KIF1A: variants seen among roughly 807,000 people sequenced by gnomAD.
KIF1A encodes kinesin family member 1A.
KIF1A carries 46 observed loss-of-function variants against 227.3 expected under a neutral mutation model. The ratio of observed to expected loss-of-function variants is 0.20; its 90% CI spans 0.16 to 0.26. KIF1A has a LOEUF of 0.26. Among genes scored for constraint, KIF1A ranks in the 10% least tolerant of loss-of-function variants. KIF1A has a pLI of 1.00. For missense variants in KIF1A, 1,683 were observed against 2,485.9 expected (o/e 0.68, Z 6.87); for synonymous variants, 1,022 against 1,012.8 (o/e 1.01, Z -0.17).
intron 1 of KIF1A, among the ~76,000 whole-genome samples, chr2:240,815,688 T>G (rs1575682589): frequency 6.7e-6 from 1 of 150,010 alleles, no homozygotes; most frequent in African/African-American, 2.5e-5. Flanking sequence ...CCCGTGGGGG[T>G]GGGAGAAGTG....
intron 1 of KIF1A, among the ~76,000 whole-genome samples, chr2:240,807,795 C>T (rs923622350): frequency 3.9e-5 from 6 of 152,108 alleles, no homozygotes; most frequent in Admixed American, 2.0e-4. Flanking sequence ...CAAGAAAATA[C>T]AGTAACAAAT....
intron 38 of KIF1A, among the ~76,000 whole-genome samples, chr2:240,734,167 G>C (rs928359602): frequency 6.6e-5 from 10 of 152,252 alleles, no homozygotes; most frequent in Admixed American, 3.3e-4. Context: ...CCAGGTGAGG[G>C]ACTCACGAGA....
chr2:240,738,548 C>T (rs915912169), intron 37 of KIF1A, among the ~76,000 whole-genome samples: 1 of 152,180 alleles, frequency 6.6e-6, no homozygotes, highest in African/African-American at 2.4e-5. Flanking sequence ...CAGAAAGTGA[C>T]TTGGCTGCTC....
intron 5 of KIF1A, among the ~76,000 whole-genome samples, chr2:240,786,756 G>GGGGT (rs1559529947): frequency 1.6e-5 from 1 of 63,646 alleles, no homozygotes; most frequent in African/African-American, 5.9e-5. Context: ...CCCTGAGTGA[G>GGGGT]AGGGTAGGGG....
chr2:240,773,752 C>T lies in KIF1A; in HGVS notation c.1037+431G>A, dbSNP rs182724273. Among the ~76,000 whole-genome samples the T allele has an allele frequency of 9.2e-5, 14 of 152,270 alleles. No individual in the cohort carries two copies. The East Asian group carries it at 2.7e-3, about 29-fold the overall frequency. On this transcript the variant is annotated intron_variant, in intron 12 of 48. Coordinates refer to ENST00000498729, the MANE Select transcript of KIF1A (RefSeq NM_001244008.2). Reference sequence around the variant, plus strand: ...TGCACAGTCGAAAGAAGGGAGAGACCACTGACCCAAACAACCGAGCAGCCT... The same window carrying T: ...TGCACAGTCGAAAGAAGGGAGAGACTACTGACCCAAACAACCGAGCAGCCT...
chr2:240,739,824 G>A lies in KIF1A; in HGVS notation c.3901+234C>T, dbSNP rs1399262495. Among the ~76,000 whole-genome samples the A allele has an allele frequency of 1.3e-5, 2 of 152,162 alleles. No individual in the cohort carries two copies. The highest frequency in any genetic ancestry group is 4.8e-5 in the African/African-American group (2 of 41,430). Reference sequence around the variant, plus strand: ...ACCTGGTTTGTGGTATTTTGTCATGGCAGCCCCAGAACTCCAATACACTGA... The same window carrying A: ...ACCTGGTTTGTGGTATTTTGTCATGACAGCCCCAGAACTCCAATACACTGA... On this transcript the variant is annotated intron_variant, in intron 37 of 48. Coordinates refer to ENST00000498729, the MANE Select transcript of KIF1A (RefSeq NM_001244008.2). This position sits in a 1 kb window ranked among gnomAD's most constrained non-coding sequence, Gnocchi z 5.6.
chr2:240,723,506 C>T lies in KIF1A; in HGVS notation c.4371G>A (p.Arg1457=). The T allele has an allele frequency of 6.4e-7, 1 of 1,552,138 alleles. No individual in the cohort carries two copies. Among genetic ancestry groups the T allele is most frequent in the Non-Finnish European group, 8.7e-7 (1 of 1,148,438 alleles). The stretch of plus-strand genomic sequence containing the variant: ...TCCAGCCTGCCAGGTTCTCCTCGCC[C>T]CGGACATAGGCCACAGATGTGTCCA... ...RVLDTSVAYV[R]GEENLAGWRP... Residue 1457 remains arginine (R), a synonymous_variant, in exon 42 of 49, where the codon CGG becomes CGA. Coordinates refer to ENST00000498729, the MANE Select transcript of KIF1A (RefSeq NM_001244008.2).
At chr2:240,745,298 G>T in intron 32 of KIF1A, 129 bp downstream of exon 32, 1 of 764,980 alleles carries the variant, frequency 1.3e-6, no homozygotes, top group Non-Finnish European at 2.3e-6. Flanking sequence ...CCTGGCACTG[G>T]AGTTCCCGGT....
intron 18 of KIF1A, 67 bp from the exon 19 acceptor site, chr2:240,767,088 C>A: frequency 7.7e-7 from 1 of 1,298,586 alleles, no homozygotes. Flanking sequence ...CACCCACTGG[C>A]CTCCAGGGAC....
rs758219531 is a variant in KIF1A at position 240,737,030 on chromosome 2, C to T, written c.4007+33G>A. On this transcript the variant is annotated intron_variant, in intron 38 of 48. Coordinates refer to ENST00000498729, the MANE Select transcript of KIF1A (RefSeq NM_001244008.2). ...GGGCCTGGCAGGCTGGGAACATGCC[C>T]TGGGCCCTGTCTCCAGGGAGTCTCC... 6 of 1,556,518 alleles carry T rather than the reference C, an allele frequency of 3.9e-6. No homozygotes were observed. The African/African-American group carries it at 6.8e-5, about 18-fold the overall frequency.
chr2:240,738,607 G>T (rs1448062292), intron 37 of KIF1A, among the ~76,000 whole-genome samples: 1 of 152,180 alleles, frequency 6.6e-6, no homozygotes, highest in African/African-American at 2.4e-5. Flanking sequence ...AGCCCAGAGA[G>T]GCTGAGCCCA....
At chr2:240,756,988 G>A (rs562065477) in intron 27 of KIF1A, among the ~76,000 whole-genome samples, 6 of 152,230 alleles carry the variant, frequency 3.9e-5, no homozygotes, top group Non-Finnish European at 7.3e-5. Flanking sequence ...GAGCCACTCC[G>A]GGGTTCCTAC....
chr2:240,783,456 C>A (rs1239700365), intron 8 of KIF1A, among the ~76,000 whole-genome samples: 4 of 152,224 alleles, frequency 2.6e-5, no homozygotes. Flanking sequence ...CGGGTGGTGC[C>A]CCAATCTCCC....
intron 1 of KIF1A, among the ~76,000 whole-genome samples, chr2:240,812,244 T>C (rs1001951878): frequency 6.6e-6 from 1 of 151,856 alleles, no homozygotes. Context: ...AAAAGCCAAG[T>C]CCCTGTGGAA....
At chr2:240,809,269 T>G (rs1421808807) in intron 1 of KIF1A, among the ~76,000 whole-genome samples, 3 of 151,990 alleles carry the variant, frequency 2.0e-5, no homozygotes, top group Non-Finnish European at 1.5e-5. Flanking sequence ...GTTAAGAACA[T>G]CAATAACAAG....
chr2:240,782,678 C>T (rs1381073990), intron 9 of KIF1A, 71 bp from the exon 10 acceptor site: 57 of 1,500,084 alleles, frequency 3.8e-5, no homozygotes, highest in Non-Finnish European at 4.6e-5. Flanking sequence ...GGCGGAAGAG[C>T]AGGCGGCCCG....
chr2:240,739,626 G>A lies in KIF1A; in HGVS notation c.3901+432C>T, dbSNP rs766340598. Among the ~76,000 whole-genome samples the A allele has an allele frequency of 9.9e-5, 15 of 152,174 alleles. No homozygotes were observed. Among genetic ancestry groups the A allele is most frequent in the African/African-American group, 1.9e-4 (8 of 41,452 alleles). On this transcript the variant is annotated intron_variant, in intron 37 of 48. Coordinates refer to ENST00000498729, the MANE Select transcript of KIF1A (RefSeq NM_001244008.2). This position sits in a 1 kb window ranked among gnomAD's most constrained non-coding sequence, Gnocchi z 5.6. Reference sequence around the variant, plus strand: ...GAAGCCTGCGAAAATGCAGTGATGCGTCTGCAGGCCAGGGTCGCCCAAGAT... The same window carrying A: ...GAAGCCTGCGAAAATGCAGTGATGCATCTGCAGGCCAGGGTCGCCCAAGAT...
chr2:240,765,244 A>G (rs577321753), intron 20 of KIF1A, among the ~76,000 whole-genome samples: 1 of 152,340 alleles, frequency 6.6e-6, no homozygotes, highest in African/African-American at 2.4e-5. Flanking sequence ...CATCACAGAC[A>G]CTGCAGTGTC....
intron 10 of KIF1A, among the ~76,000 whole-genome samples, chr2:240,779,498 ACT>A (rs1251360490): frequency 2.4e-4 from 34 of 144,248 alleles, no homozygotes; most frequent in African/African-American, 8.2e-4. Context: ...TCAGTTCCAC[ACT>A]CAGTTCCACA....
Sources: gnomAD v4.1 joint callset for allele counts (sites outside exome capture counted in the v4.1 genomes callset) on GRCh38, gnomAD v4.1.1 for gene constraint, Gnocchi (gnomAD v3.1) non-coding constraint, MANE v1.5 for transcripts, NCBI Gene and HGNC (gene_info 2026-07-23, HGNC 2026-07-21) for gene names.